DLG2: variants seen among roughly 807,000 people sequenced by gnomAD.
The protein encoded by DLG2 is disks large homolog 2.
In DLG2, 45 loss-of-function variants were observed where a neutral mutation model predicts 132.5. The observed-to-expected ratio is 0.34, with a 90% CI of 0.27 to 0.44. DLG2 has a LOEUF of 0.44. Among genes scored for constraint, DLG2 ranks in the 20% least tolerant of loss-of-function variants. DLG2 has a pLI of 1.00. For synonymous variants in DLG2, 424 were observed against 419.6 expected (o/e 1.01, Z -0.13); for missense variants, 1,045 against 1,196.9 (o/e 0.87, Z 1.87).
intron 16 of DLG2, 118 bp from the exon 17 acceptor site, chr11:83,833,888 A>G: frequency 9.4e-7 from 1 of 1,067,118 alleles, no homozygotes; most frequent in Non-Finnish European, 1.3e-6. Flanking sequence ...TTGTTTCTCA[A>G]ACTAAGATAA....
At chr11:85,571,254 C>T (rs2077827478) in intron 3 of DLG2, among the ~76,000 whole-genome samples, 3 of 152,112 alleles carry the variant, frequency 2.0e-5, no homozygotes, top group Admixed American at 6.6e-5. Context: ...TCACCCTTCC[C>T]TAGGATTTGT....
At chr11:84,373,269 A>AAAAAAAAAAAAC (rs1555532736) in intron 7 of DLG2, among the ~76,000 whole-genome samples, 5 of 128,430 alleles carry the variant, frequency 3.9e-5, no homozygotes, top group Admixed American at 7.4e-5. Context: ...AAAAAACAAA[A>AAAAAAAAAAAAC]CAAAAAAAAA....
At chr11:83,693,750 G>A (rs2153627625) in intron 18 of DLG2, 2 of 152,250 alleles carry the variant, frequency 1.3e-5, no homozygotes, top group East Asian at 3.9e-4. Flanking sequence ...CTGTCAAAAG[G>A]AAAAGCTCTG....
intron 7 of DLG2, among the ~76,000 whole-genome samples, chr11:84,472,467 T>A (rs1443034689): frequency 1.3e-5 from 2 of 151,996 alleles, no homozygotes; most frequent in African/African-American, 2.4e-5. Flanking sequence ...ATATGTCAGA[T>A]TTTGGCACAG....
At chr11:85,376,249 G>T (rs924392734) in intron 3 of DLG2, among the ~76,000 whole-genome samples, 3 of 152,166 alleles carry the variant, frequency 2.0e-5, no homozygotes, top group Non-Finnish European at 2.9e-5. Context: ...CTAACTGGAG[G>T]TGTCAGGGAA....
intron 18 of DLG2, among the ~76,000 whole-genome samples, chr11:83,743,327 T>C (rs528430737): frequency 6.6e-6 from 1 of 152,070 alleles, no homozygotes; most frequent in Non-Finnish European, 1.5e-5. Context: ...GAAATATCTC[T>C]TCAATCCATT....
intron 3 of DLG2, among the ~76,000 whole-genome samples, chr11:85,542,734 C>T (rs955506406): frequency 2.0e-5 from 3 of 152,140 alleles, no homozygotes; most frequent in African/African-American, 7.2e-5. Flanking sequence ...CATGACATTT[C>T]ATAGGCAAAA....
chr11:83,786,818 T>C (rs745851671), intron 17 of DLG2, 26 bp from the exon 18 acceptor site: 1 of 1,606,748 alleles, frequency 6.2e-7, no homozygotes. Context: ...CCAGAGAATC[T>C]TGGTATTTCA....
chr11:84,945,534 C>T (rs900116992), intron 6 of DLG2, among the ~76,000 whole-genome samples: 2 of 152,210 alleles, frequency 1.3e-5, no homozygotes, highest in Non-Finnish European at 1.5e-5. Flanking sequence ...CACTGGGTCT[C>T]GCCCAAGACC....
chr11:83,902,167 C>A, intron 15 of DLG2, among the ~76,000 whole-genome samples: 1 of 152,132 alleles, frequency 6.6e-6, no homozygotes, highest in South Asian at 2.1e-4. Flanking sequence ...TCACTCTGGG[C>A]TACTCAGCCT....
intron 6 of DLG2, among the ~76,000 whole-genome samples, chr11:84,668,721 A>G (rs1235921804): frequency 1.3e-5 from 2 of 152,128 alleles, no homozygotes; most frequent in African/African-American, 4.8e-5. Flanking sequence ...TCAAGTCACC[A>G]TTTCCCCTTA....
intron 6 of DLG2, among the ~76,000 whole-genome samples, chr11:84,693,442 G>C (rs1243702070): frequency 6.6e-6 from 1 of 151,680 alleles, no homozygotes. Context: ...CTAAACCAAG[G>C]CCTAAGAGAG....
In DLG2 at chr11:84,144,421, C is replaced by T. The variant is rs190959118; in HGVS notation, c.624+19040G>A. 3.3e-5 allele frequency among the ~76,000 whole-genome samples: 5 copies of T among 152,176 alleles called. No individual in the cohort carries two copies. The East Asian group carries it at 9.7e-4, about 29-fold the overall frequency. On this transcript the variant is annotated intron_variant, in intron 9 of 27. Coordinates refer to ENST00000376104, the MANE Select transcript of DLG2 (RefSeq NM_001142699.3). ...CATAGAGAAGGGTGGGCTTCTGCCTCAAAGTTCTAAGTAAGAATCATGGAA... is the reference window on the plus strand; with the variant it reads ...CATAGAGAAGGGTGGGCTTCTGCCTTAAAGTTCTAAGTAAGAATCATGGAA...
chr11:83,552,168 G>C (rs921367729), intron 19 of DLG2, among the ~76,000 whole-genome samples: 1 of 152,166 alleles, frequency 6.6e-6, no homozygotes, highest in African/African-American at 2.4e-5. Context: ...GTTAGGAGTT[G>C]ATTGTTGCTA....
chr11:84,477,006 C>T (rs1056204882), intron 7 of DLG2, among the ~76,000 whole-genome samples: 10 of 152,046 alleles, frequency 6.6e-5, no homozygotes, highest in Admixed American at 5.3e-4. Context: ...ATAACAAATA[C>T]AGTAATCTTT....
At chr11:85,046,442 G>A (rs506422) in intron 6 of DLG2, among the ~76,000 whole-genome samples, 58,383 of 151,640 alleles carry the variant, frequency 0.39, 11,415 homozygotes, top group South Asian at 0.57. Flanking sequence ...CTTGACCAGT[G>A]AAGCAAAACC....
At chr11:83,656,154 C>G (rs2072350266) in intron 18 of DLG2, among the ~76,000 whole-genome samples, 1 of 152,198 alleles carries the variant, frequency 6.6e-6, no homozygotes, top group Non-Finnish European at 1.5e-5. Context: ...AGAACACAAC[C>G]CTGAACAGTC....
At chr11:84,638,371 T>A (rs1270333278) in intron 6 of DLG2, among the ~76,000 whole-genome samples, 2 of 152,174 alleles carry the variant, frequency 1.3e-5, no homozygotes, top group East Asian at 3.8e-4. Context: ...GCATTTAGTG[T>A]GGGTTTACTA....
intron 2 of DLG2, among the ~76,000 whole-genome samples, chr11:85,620,960 G>A (rs1251833084): frequency 6.6e-6 from 1 of 152,208 alleles, no homozygotes; most frequent in Non-Finnish European, 1.5e-5. Flanking sequence ...ATGCTAGAGA[G>A]AAATCAATGC....
Sources: gnomAD v4.1 joint callset for allele counts (sites outside exome capture counted in the v4.1 genomes callset) on GRCh38, gnomAD v4.1.1 for gene constraint, MANE v1.5 for transcripts, NCBI Gene and HGNC (gene_info 2026-07-23, HGNC 2026-07-21) for gene names.